The following NFIB variants were observed in gnomAD, a reference collection of about 807,000 sequenced individuals.
NFIB encodes the protein nuclear factor I B.
A neutral mutation model predicts 61.5 loss-of-function variants in NFIB; 11 were observed. That is an observed-to-expected ratio of 0.18 (90% CI 0.11 to 0.30). NFIB has a LOEUF of 0.30. NFIB is among the 10% of genes least tolerant of loss of function. The pLI is 1.00. For missense variants in NFIB, 471 were observed against 608.9 expected (o/e 0.77, Z 2.38); for synonymous variants, 260 against 216.5 (o/e 1.20, Z -1.76).
At position 14,274,251 on chromosome 9, in the gene NFIB, T is replaced by TACACACACACACACACACAC. The variant is rs71321975; in HGVS notation, c.562+32718_562+32737dup. Among the ~76,000 whole-genome samples, 319 of 124,014 alleles carry TACACACACACACACACACAC rather than the reference T, an allele frequency of 2.6e-3. 12 individuals are homozygous for TACACACACACACACACACAC. Among genetic ancestry groups the TACACACACACACACACACAC allele is most frequent in the African/African-American group, 7.8e-3 (246 of 31,674 alleles). The allele number at this position is 124,014 out of a possible 152,430, so 81.4% of individuals were successfully genotyped here. ...TTCTCTCTCTAGCATTCTTCCTCCC[T>TACACACACACACACACACAC]ACACACACACACACACACACACACA... On this transcript the variant is annotated intron_variant, in intron 2 of 10. Transcript: ENST00000380953.
intron 1 of NFIB, among the ~76,000 whole-genome samples, chr9:14,377,541 T>C (rs1480375247): frequency 1.3e-5 from 2 of 152,224 alleles, no homozygotes; most frequent in Non-Finnish European, 2.9e-5. Context: ...CATCAGCACC[T>C]ATACCCAGTA....
chr9:14,462,542 A>C, the NFIB span, among the ~76,000 whole-genome samples: 1 of 152,120 alleles, frequency 6.6e-6, no homozygotes, highest in African/African-American at 2.4e-5. Flanking sequence ...TCGGCCTCCC[A>C]AAGTGCTGGG....
intron 2 of NFIB, among the ~76,000 whole-genome samples, chr9:14,286,812 C>T (rs1351134947): frequency 6.6e-6 from 1 of 151,014 alleles, no homozygotes; most frequent in Non-Finnish European, 1.5e-5. Context: ...GACAGAATGG[C>T]TTTTAAATGC....
intron 2 of NFIB, among the ~76,000 whole-genome samples, chr9:14,277,456 T>G (rs772164124): frequency 6.6e-6 from 1 of 152,236 alleles, no homozygotes; most frequent in Non-Finnish European, 1.5e-5. Context: ...GTGCTTCTGT[T>G]TGTGGCTTTC....
chr9:14,290,045 A>T (rs909294214), intron 2 of NFIB, among the ~76,000 whole-genome samples: 8 of 152,052 alleles, frequency 5.3e-5, no homozygotes, highest in African/African-American at 1.9e-4. Flanking sequence ...CTTATACCCA[A>T]ATGAAAGACC....
the NFIB span, among the ~76,000 whole-genome samples, chr9:14,504,509 A>G: frequency 1.3e-5 from 2 of 152,138 alleles, no homozygotes; most frequent in Admixed American, 6.6e-5. Flanking sequence ...TTCTTTCAGC[A>G]GTGTTTTGTA....
intron 2 of NFIB, among the ~76,000 whole-genome samples, chr9:14,189,393 G>A (rs936008379): frequency 3.3e-5 from 5 of 152,098 alleles, no homozygotes; most frequent in Non-Finnish European, 7.3e-5. Flanking sequence ...TTTCACGCAC[G>A]AATCAGTTTT....
At chr9:14,203,733 A>C (rs2049313290) in intron 2 of NFIB, among the ~76,000 whole-genome samples, 1 of 152,250 alleles carries the variant, frequency 6.6e-6, no homozygotes, top group Admixed American at 6.5e-5. Context: ...CTCATAAATA[A>C]GACTTGGTAC....
chr9:14,102,190 T>C (rs2035876923), intron 10 of NFIB, among the ~76,000 whole-genome samples: 1 of 151,862 alleles, frequency 6.6e-6, no homozygotes. Flanking sequence ...GTAGAAAACA[T>C]TTTATAGCAT....
At chr9:14,437,680 G>A in the NFIB span, among the ~76,000 whole-genome samples, 3 of 152,280 alleles carry the variant, frequency 2.0e-5, no homozygotes, top group South Asian at 2.1e-4. Context: ...AGGAGGGCCC[G>A]GGACCGGAGG....
upstream of NFIB, among the ~76,000 whole-genome samples, chr9:14,403,190 T>G (rs1478705149): frequency 1.3e-5 from 2 of 152,188 alleles, no homozygotes; most frequent in Non-Finnish European, 2.9e-5. Context: ...TCTGCACTCT[T>G]AAAATCTGAG....
chr9:14,136,356 T>G (rs2130996782), intron 6 of NFIB, among the ~76,000 whole-genome samples: 1 of 152,248 alleles, frequency 6.6e-6, no homozygotes, highest in East Asian at 1.9e-4. Flanking sequence ...CATAGGTAAA[T>G]AGCTGCTATT....
the NFIB span, among the ~76,000 whole-genome samples, chr9:14,468,539 C>T: frequency 6.6e-6 from 1 of 152,162 alleles, no homozygotes; most frequent in African/African-American, 2.4e-5. Context: ...AATTTTGTTG[C>T]ACTATTTCTG....
At chr9:14,130,481 C>A (rs1232825098) in intron 6 of NFIB, among the ~76,000 whole-genome samples, 1 of 152,126 alleles carries the variant, frequency 6.6e-6, no homozygotes, top group African/African-American at 2.4e-5. Context: ...TCTTGGAAAT[C>A]CCTGAGATCT....
chr9:14,468,563 T>A, the NFIB span, among the ~76,000 whole-genome samples: 42,830 of 152,072 alleles, frequency 0.28, 6,221 homozygotes, highest in African/African-American at 0.34. Flanking sequence ...GTGTAAAAAT[T>A]GCTGCCCAAA....
intron 1 of NFIB, among the ~76,000 whole-genome samples, chr9:14,331,288 C>T (rs1418369922): frequency 6.6e-6 from 1 of 152,122 alleles, no homozygotes; most frequent in Admixed American, 6.5e-5. Context: ...ATTCTAATTC[C>T]CAAGCCCGTT....
At chr9:14,299,604 C>A (rs1448898053) in intron 2 of NFIB, among the ~76,000 whole-genome samples, 1 of 152,192 alleles carries the variant, frequency 6.6e-6, no homozygotes, top group African/African-American at 2.4e-5. Context: ...ATGTTCTGAA[C>A]TGCCTTAAAA....
chr9:14,398,800 C>G lies in NFIB; in HGVS notation c.-169G>C, dbSNP rs2061713842. On this transcript the variant is annotated 5_prime_UTR_variant, in exon 1 of 9. Coordinates refer to the NFIB transcript ENST00000380934. Reference sequence around the variant, plus strand: ...GGGTGACTGATGGATCTTTATGGAGCAGAGCAAGCTGTTAAAAACAAAATA... The same window carrying G: ...GGGTGACTGATGGATCTTTATGGAGGAGAGCAAGCTGTTAAAAACAAAATA... 3 of 539,638 alleles carry G rather than the reference C, an allele frequency of 5.6e-6. 1 individual carries two copies. The South Asian group carries it at 7.8e-5, about 14-fold the overall frequency. 33.4% of individuals were successfully genotyped at this position (539,638 alleles called of 1,614,324 possible). A position where few individuals can be genotyped will look rare whatever the true frequency, so the allele number is the denominator to read the frequency against.
In NFIB at chr9:14,239,040, T is replaced by C. The variant is rs147780510; in HGVS notation, c.563-59260A>G. On this transcript the variant is annotated intron_variant, in intron 2 of 10. Coordinates refer to ENST00000380953, the MANE Select transcript of NFIB (RefSeq NM_001190737.2). ...TTATGTTATACAATATAGTTTATAA[T>C]AGGAAAAGGAGTTACATTTGATTCT... Among the ~76,000 whole-genome samples, 915 of 152,312 alleles carry C rather than the reference T, an allele frequency of 6.0e-3. 10 individuals are homozygous for C. The highest frequency in any genetic ancestry group is 0.019 in the African/African-American group (785 of 41,558).
Sources: allele counts gnomAD v4.1 joint callset (sites outside exome capture counted in the v4.1 genomes callset), GRCh38; gene constraint gnomAD v4.1.1; transcripts MANE v1.5; gene names NCBI Gene and HGNC (gene_info 2026-07-23, HGNC 2026-07-21).